Variants in PTBP3 observed in about 807,000 individuals in gnomAD.
The protein encoded by PTBP3 is polypyrimidine tract binding protein 3.
PTBP3 carries 20 observed loss-of-function variants against 58.7 expected under a neutral mutation model. That is an observed-to-expected ratio of 0.34 (90% CI 0.24 to 0.50). The LOEUF is 0.50. PTBP3 is among the 20% of genes least tolerant of loss of function. The pLI is 0.98. For synonymous variants in PTBP3, 185 were observed against 219.8 expected (o/e 0.84, Z 1.40); for missense variants, 509 against 637.2 (o/e 0.80, Z 2.17).
At chr9:112,246,651 C>T (rs1046118704) in intron 7 of PTBP3, among the ~76,000 whole-genome samples, 2 of 151,044 alleles carry the variant, frequency 1.3e-5, no homozygotes, top group Non-Finnish European at 3.0e-5. Flanking sequence ...CGAGATCACA[C>T]CACTGCACTC....
chr9:112,246,235 G>A (rs1052132714), intron 7 of PTBP3, among the ~76,000 whole-genome samples: 5 of 151,446 alleles, frequency 3.3e-5, no homozygotes, highest in South Asian at 4.2e-4. Context: ...CACCCGCCTC[G>A]GCCTCCCAAA....
chr9:112,368,456 C>T, the PTBP3 span, among the ~76,000 whole-genome samples: 26 of 152,182 alleles, frequency 1.7e-4, 1 homozygote, highest in Admixed American at 1.6e-3. Context: ...CAGGTGTGAG[C>T]CACCGTGCCC....
chr9:112,316,413 T>G (rs889319029), intron 1 of PTBP3, among the ~76,000 whole-genome samples: 2 of 152,146 alleles, frequency 1.3e-5, no homozygotes, highest in African/African-American at 2.4e-5. Flanking sequence ...TGAGTGTGGC[T>G]TCCAGTAAGG....
At chr9:112,334,775 C>T (rs1165514620), upstream of PTBP3, among the ~76,000 whole-genome samples, 4 of 152,130 alleles carry the variant, frequency 2.6e-5, no homozygotes, top group Non-Finnish European at 5.9e-5. Context: ...TACTATGTGC[C>T]GGGCACTGCA....
intron 1 of PTBP3, among the ~76,000 whole-genome samples, chr9:112,302,590 T>TTTTTTTTTC: frequency 7.7e-6 from 1 of 130,588 alleles, no homozygotes; most frequent in Non-Finnish European, 1.6e-5. Flanking sequence ...ATCTTTTTTT[T>TTTTTTTTTC]TTTTTTTTTT....
At chr9:112,353,883 A>C in the PTBP3 span, among the ~76,000 whole-genome samples, 2 of 151,968 alleles carry the variant, frequency 1.3e-5, no homozygotes, top group Non-Finnish European at 2.9e-5. Context: ...ACTTGAACCC[A>C]GGAGGTAGAG....
the PTBP3 span, among the ~76,000 whole-genome samples, chr9:112,364,459 A>C: frequency 6.6e-6 from 1 of 151,952 alleles, no homozygotes; most frequent in Non-Finnish European, 1.5e-5. Flanking sequence ...GGAGTTCAAG[A>C]CCAGCTTGGG....
chr9:112,233,821 C>A (rs1467912611), intron 8 of PTBP3, among the ~76,000 whole-genome samples: 1 of 152,116 alleles, frequency 6.6e-6, no homozygotes, highest in Non-Finnish European at 1.5e-5. Context: ...GTCCCAGCTA[C>A]TCAGAAGGCT....
chr9:112,368,303 T>A, the PTBP3 span, among the ~76,000 whole-genome samples: 1 of 152,240 alleles, frequency 6.6e-6, no homozygotes. Context: ...CCTGAGTAGC[T>A]GGGATTACAG....
intron 2 of PTBP3, among the ~76,000 whole-genome samples, chr9:112,291,467 C>A (rs1217858054): frequency 6.6e-6 from 1 of 152,028 alleles, no homozygotes; most frequent in East Asian, 1.9e-4. Context: ...AACTTCTACA[C>A]ATTACAAAGC....
intron 3 of PTBP3, among the ~76,000 whole-genome samples, chr9:112,268,995 A>G (rs1413157968): frequency 1.3e-5 from 2 of 152,032 alleles, no homozygotes; most frequent in Admixed American, 1.3e-4. Context: ...CAGGAGTTCA[A>G]GGCCAGCCTG....
At chr9:112,357,345 GTTGTT>G in the PTBP3 span, among the ~76,000 whole-genome samples, 2 of 151,956 alleles carry the variant, frequency 1.3e-5, no homozygotes, top group Non-Finnish European at 2.9e-5. Context: ...TGTTGTTGTT[GTTGTT>G]TTGTTTGTTT....
At chr9:112,263,988 A>G (rs955865885) in intron 4 of PTBP3, among the ~76,000 whole-genome samples, 22 of 152,164 alleles carry the variant, frequency 1.4e-4, no homozygotes, top group African/African-American at 5.3e-4. Flanking sequence ...TCTCAAAAAA[A>G]AAAAAGTGTG....
At chr9:112,254,165 T>G (rs181671739) in intron 5 of PTBP3, among the ~76,000 whole-genome samples, 11 of 152,150 alleles carry the variant, frequency 7.2e-5, no homozygotes, top group African/African-American at 2.7e-4. Flanking sequence ...TTTTAAGGTT[T>G]TATAGAGATG....
At chr9:112,308,067 T>C (rs1428261679) in intron 1 of PTBP3, among the ~76,000 whole-genome samples, 1 of 152,242 alleles carries the variant, frequency 6.6e-6, no homozygotes, top group South Asian at 2.1e-4. Context: ...TTCCCTTTTT[T>C]TGAGACAGGG....
At chr9:112,237,586 T>G (rs1223151248) in intron 7 of PTBP3, among the ~76,000 whole-genome samples, 1 of 152,116 alleles carries the variant, frequency 6.6e-6, no homozygotes, top group Non-Finnish European at 1.5e-5. Flanking sequence ...TGAACAAGTA[T>G]AAAGACTTTC....
chr9:112,239,741 AAG>A (rs756064492), intron 7 of PTBP3, among the ~76,000 whole-genome samples: 8 of 150,708 alleles, frequency 5.3e-5, no homozygotes, highest in African/African-American at 1.2e-4. Flanking sequence ...TGAAAGAAAG[AAG>A]AGAGAGGAAA....
At chr9:112,261,588 T>C (rs1277606417) in intron 5 of PTBP3, among the ~76,000 whole-genome samples, 1 of 152,226 alleles carries the variant, frequency 6.6e-6, no homozygotes, top group Non-Finnish European at 1.5e-5. Context: ...AGTATTTTAA[T>C]ATGTGGGCTA....
At position 112,221,319 on chromosome 9, in the gene PTBP3, G is replaced by A. The variant is rs929441213; in HGVS notation, c.*2532C>T. 4.1e-6 allele frequency: 4 copies of A among 985,452 alleles called. No individual in the cohort carries two copies. In the Admixed American group the frequency reaches 1.8e-4, roughly 46 times the overall value. The allele number at this position is 985,452 out of a possible 1,614,324, so 61.0% of individuals were successfully genotyped here. ...CAAACACACCCCTACACAAATCCCT[G>A]AAAAGGATTCAAATGTTCTCTCTCA... On this transcript the variant is annotated 3_prime_UTR_variant, in exon 14 of 14. Transcript: ENST00000374257.
Sources: gnomAD v4.1 joint callset for allele counts (sites outside exome capture counted in the v4.1 genomes callset) on GRCh38, gnomAD v4.1.1 for gene constraint, MANE v1.5 for transcripts, NCBI Gene and HGNC (gene_info 2026-07-23, HGNC 2026-07-21) for gene names.